Variants in MMP24OS observed in about 807,000 individuals in gnomAD.
The protein encoded by MMP24OS is protein MMP24OS.
chr20:35,277,431 G>T lies in MMP24OS; in HGVS notation c.*283C>A, dbSNP rs144951665. The T allele has an allele frequency of 6.4e-4, 234 of 363,366 alleles. 2 individuals carry two copies. The highest frequency in any genetic ancestry group is 4.6e-3 in the African/African-American group (217 of 47,690). The allele number at this position is 363,366 out of a possible 1,614,324, so 22.5% of individuals were successfully genotyped here. A position where few individuals can be genotyped will look rare whatever the true frequency, so the allele number is the denominator to read the frequency against. Reference sequence around the variant, plus strand: ...CCTCTGGAAGCCAGCGACAGAGAGGGATGCCCCCGACCCAGCCAGCCGGAG... The same window carrying T: ...CCTCTGGAAGCCAGCGACAGAGAGGTATGCCCCCGACCCAGCCAGCCGGAG... On this transcript the variant is annotated 3_prime_UTR_variant, in exon 2 of 2. Transcript: ENST00000456790.
At position 35,277,933 on chromosome 20, in the gene MMP24OS, C is replaced by A; in HGVS notation, c.-3-1G>T. The A allele has an allele frequency of 2.5e-6, 1 of 397,490 alleles. No homozygotes were observed. Among genetic ancestry groups the A allele is most frequent in the Non-Finnish European group, 4.4e-6 (1 of 225,420 alleles). 24.6% of individuals were successfully genotyped at this position (397,490 alleles called of 1,614,324 possible). On this transcript the variant is annotated splice_acceptor_variant, in intron 1 of 1. Transcript: ENST00000456790. LOFTEE classifies it low-confidence loss of function (5UTR_SPLICE). ...CGCCGCTTAGCTGAGCCCCCATGGT[C>A]TGCAAGAAGAGAAGCCCTTTAAGGT...
Position 35,276,405 on chromosome 20 carries a change from C to G in MMP24OS, c.*1309G>C. The G allele has an allele frequency of 2.5e-6, 1 of 398,288 alleles. No individual in the cohort carries two copies. Among genetic ancestry groups the G allele is most frequent in the Non-Finnish European group, 4.4e-6 (1 of 225,986 alleles). The allele number at this position is 398,288 out of a possible 1,614,324, so 24.7% of individuals were successfully genotyped here. On this transcript the variant is annotated 3_prime_UTR_variant, in exon 2 of 2. Transcript: ENST00000456790. ...CTCACACCTGTCCACTCACATGAAACTCGTGTTAGGCCCTGGGAGGCCGAC... is the reference window on the plus strand; with the variant it reads ...CTCACACCTGTCCACTCACATGAAAGTCGTGTTAGGCCCTGGGAGGCCGAC...
At position 35,276,444 on chromosome 20, in the gene MMP24OS, G is replaced by A. The variant is rs34569456; in HGVS notation, c.*1270C>T. The A allele has an allele frequency of 0.013, 5,212 of 397,380 alleles. 42 individuals carry two copies. The highest frequency in any genetic ancestry group is 0.018 in the Non-Finnish European group (4,141 of 225,502). 24.6% of individuals were successfully genotyped at this position (397,380 alleles called of 1,614,324 possible). ...TGGGAGGCCGACGGTAACTCTCACC[G>A]TGCCCTCAGATGAAGCACAGAGAGG... On this transcript the variant is annotated 3_prime_UTR_variant, in exon 2 of 2. Transcript: ENST00000456790.
In MMP24OS at chr20:35,277,171, A is replaced by C. The variant is rs1444757252; in HGVS notation, c.*543T>G. On this transcript the variant is annotated 3_prime_UTR_variant, in exon 2 of 2. Coordinates refer to ENST00000456790, the MANE Select transcript of MMP24OS (RefSeq NM_001355003.2). ...TACAACAGGCTGGCCCTGGGGGCCC[A>C]GGGTTATTGGGGTTCCAGGAACACA... 6.6e-6 allele frequency: 1 copy of C among 152,148 alleles called. No individual in the cohort carries two copies. Among genetic ancestry groups the C allele is most frequent in the Non-Finnish European group, 1.5e-5 (1 of 68,040 alleles). 9.4% of individuals were successfully genotyped at this position (152,148 alleles called of 1,614,324 possible).
rs867570985 is a variant in MMP24OS, at chr20:35,276,642, T to C, written c.*1072A>G. On this transcript the variant is annotated 3_prime_UTR_variant, in exon 2 of 2. Coordinates refer to ENST00000456790, the MANE Select transcript of MMP24OS (RefSeq NM_001355003.2). Reference sequence around the variant, plus strand: ...TCCTCAGGTTGGTGCTCTCACTTCTTGAAAGCTCTAGGCACCCCCGCCTCC... The same window carrying C: ...TCCTCAGGTTGGTGCTCTCACTTCTCGAAAGCTCTAGGCACCCCCGCCTCC... 3 of 200,606 alleles carry C rather than the reference T, an allele frequency of 1.5e-5. No individual in the cohort carries two copies. The highest frequency in any genetic ancestry group is 6.9e-5 in the African/African-American group (3 of 43,422). The allele number at this position is 200,606 out of a possible 1,614,324, so 12.4% of individuals were successfully genotyped here.
At position 35,277,903 on chromosome 20, in the gene MMP24OS, G is replaced by A; in HGVS notation, c.27C>T (p.Arg9=). The A allele has an allele frequency of 1.8e-5, 7 of 398,402 alleles. No homozygotes were observed. Among genetic ancestry groups the A allele is most frequent in the Non-Finnish European group, 2.7e-5 (6 of 226,092 alleles). 24.7% of individuals were successfully genotyped at this position (398,402 alleles called of 1,614,324 possible). The change falls in exon 2 of 2, where the codon CGC becomes CGT. Residue 9 remains arginine (R), a synonymous_variant. Transcript: ENST00000456790. MGAQLSGG[R]GAPEPAQTQP... ...GGGTTTGCGCAGGCTCCGGGGCGCC[G>A]CGGCCGCCGCTTAGCTGAGCCCCCA...
chr20:35,276,961 G>GT lies in MMP24OS; in HGVS notation c.*752dup, dbSNP rs1199857456. The GT allele has an allele frequency of 1.3e-5, 2 of 152,670 alleles. No individual in the cohort carries two copies. Among genetic ancestry groups the GT allele is most frequent in the African/African-American group, 4.8e-5 (2 of 41,450 alleles). 9.5% of individuals were successfully genotyped at this position (152,670 alleles called of 1,614,324 possible). Reference sequence around the variant, plus strand: ...TTAAACTGATCAGCCTTTGTATAATGTTTTTTAAATCATTTCTAAATAAAA... The same window carrying GT: ...TTAAACTGATCAGCCTTTGTATAATGTTTTTTTAAATCATTTCTAAATAAAA... On this transcript the variant is annotated 3_prime_UTR_variant, in exon 2 of 2. Transcript: ENST00000456790.
In MMP24OS at chr20:35,277,863, GC is replaced by G. The variant is rs1276890139; in HGVS notation, c.66del (p.Gln22HisfsTer160). 5.1e-6 allele frequency: 2 copies of G among 395,876 alleles called. No homozygotes were observed. Among genetic ancestry groups the G allele is most frequent in the Non-Finnish European group, 4.4e-6 (1 of 226,468 alleles). 24.5% of individuals were successfully genotyped at this position (395,876 alleles called of 1,614,324 possible). Reference protein sequence around the residue: ...PEPAQTQPQPQPQPAAPEGPE... With the variant: ...PEPAQTQPQPXPQPAAPEGPE... ...GGGCCCTCCGGCGCCGCAGGCTGGG[GC>G]TGGGGCTGGGGCTGGGTTTGCGCAG... On this transcript the variant is annotated frameshift_variant, in exon 2 of 2. Coordinates refer to ENST00000456790, the MANE Select transcript of MMP24OS (RefSeq NM_001355003.2). LOFTEE classifies it high-confidence loss of function.
At position 35,277,753 on chromosome 20, in the gene MMP24OS, G is replaced by C. The variant is rs1480220450; in HGVS notation, c.177C>G (p.Asp59Glu). 3.1e-6 allele frequency: 1 copy of C among 325,166 alleles called. No homozygotes were observed. Among genetic ancestry groups the C allele is most frequent in the East Asian group, 4.4e-5 (1 of 22,560 alleles). The allele number at this position is 325,166 out of a possible 1,614,324, so 20.1% of individuals were successfully genotyped here. The part of the protein sequence containing the change: ...QPEPSPWGPL[D>E]DVRFLIACTS... ...TGCAGGCGATGAGGAAGCGCACGTC[G>C]TCCAGCGGCCCCCACGGGCTGGGCT... The change falls in exon 2 of 2, where the codon GAC (aspartate) becomes GAG (glutamate). Residue 59 changes from aspartate (D) to glutamate (E), a missense_variant. Asp to Glu is a conservative substitution (Grantham distance 45, BLOSUM62 2). Transcript: ENST00000456790.
At position 35,277,537 on chromosome 20, in the gene MMP24OS, C is replaced by T. The variant is rs1037479342; in HGVS notation, c.*177G>A. 1.3e-5 allele frequency: 5 copies of T among 388,544 alleles called. No individual in the cohort carries two copies. Among genetic ancestry groups the T allele is most frequent in the Non-Finnish European group, 2.3e-5 (5 of 220,090 alleles). 24.1% of individuals were successfully genotyped at this position (388,544 alleles called of 1,614,324 possible). On this transcript the variant is annotated 3_prime_UTR_variant, in exon 2 of 2. Transcript: ENST00000456790. ...CAGGCTGGGGTGTAGACTGCGAAGG[C>T]GGCCCTGCCGGGACTTCTTTCCAGT...
In MMP24OS at chr20:35,277,337, G is replaced by T. The variant is rs1320913155; in HGVS notation, c.*377C>A. The T allele has an allele frequency of 9.4e-6, 2 of 212,744 alleles. No homozygotes were observed. Among genetic ancestry groups the T allele is most frequent in the Non-Finnish European group, 1.9e-5 (2 of 107,974 alleles). 13.2% of individuals were successfully genotyped at this position (212,744 alleles called of 1,614,324 possible). On this transcript the variant is annotated 3_prime_UTR_variant, in exon 2 of 2. Transcript: ENST00000456790. ...CAAGAGCACGGTTATCAGCAATACA[G>T]ATATTAATAAAAGGCAGACGAAGTC... is the stretch of plus-strand genomic sequence containing the variant.
chr20:35,276,470 T>C lies in MMP24OS; in HGVS notation c.*1244A>G, dbSNP rs954614474. 7.6e-6 allele frequency: 3 copies of C among 396,018 alleles called. No homozygotes were observed. The highest frequency in any genetic ancestry group is 4.1e-5 in the African/African-American group (2 of 48,484). 24.5% of individuals were successfully genotyped at this position (396,018 alleles called of 1,614,324 possible). A position where few individuals can be genotyped will look rare whatever the true frequency, so the allele number is the denominator to read the frequency against. On this transcript the variant is annotated 3_prime_UTR_variant, in exon 2 of 2. Transcript: ENST00000456790. ...TGCCCTCAGATGAAGCACAGAGAGG[T>C]TGTTACTTGCCCGGGCCATCCAGTG...
In MMP24OS at chr20:35,277,779, C is replaced by CGGGCTGGGGCTGGGGCTGGGGCTG. The variant is rs1180891502; in HGVS notation, c.127_150dup (p.Gln43_Pro50dup). The CGGGCTGGGGCTGGGGCTGGGGCTG allele has an allele frequency of 4.9e-4, 84 of 172,520 alleles. No homozygotes were observed. The highest frequency in any genetic ancestry group is 3.4e-3 in the Middle Eastern group (2 of 586). The allele number at this position is 172,520 out of a possible 1,614,324, so 10.7% of individuals were successfully genotyped here. On this transcript the variant is annotated inframe_insertion, in exon 2 of 2. Coordinates refer to ENST00000456790, the MANE Select transcript of MMP24OS (RefSeq NM_001355003.2). ...TCCAGCGGCCCCCACGGGCTGGGCT[C>CGGGCTGGGGCTGGGGCTGGGGCTG]GGGCTGGGGCTGGGGCTGGGGCTGG...
At position 35,277,818 on chromosome 20, in the gene MMP24OS, G is replaced by GCTGGGA. The variant is rs966782681; in HGVS notation, c.111_112insTCCCAG (p.Pro37_Pro38insSerGln). On this transcript the variant is annotated inframe_insertion, in exon 2 of 2. Transcript: ENST00000456790. ...GGCTGGGGCTGGGGCTGGGGCTGGG[G>GCTGGGA]CGGATGCCGGGGCTGTTCCGGGCCC... 5.1e-6 allele frequency: 2 copies of GCTGGGA among 393,764 alleles called. No homozygotes were observed. The highest frequency in any genetic ancestry group is 4.4e-5 in the Admixed American group (1 of 22,472). 24.4% of individuals were successfully genotyped at this position (393,764 alleles called of 1,614,324 possible). A position where few individuals can be genotyped will look rare whatever the true frequency, so the allele number is the denominator to read the frequency against.
In MMP24OS at chr20:35,277,532, G is replaced by C. The variant is rs1912101365; in HGVS notation, c.*182C>G. The C allele has an allele frequency of 2.6e-6, 1 of 389,754 alleles. No individual in the cohort carries two copies. Among genetic ancestry groups the C allele is most frequent in the Non-Finnish European group, 4.5e-6 (1 of 220,850 alleles). 24.1% of individuals were successfully genotyped at this position (389,754 alleles called of 1,614,324 possible). A position where few individuals can be genotyped will look rare whatever the true frequency, so the allele number is the denominator to read the frequency against. On this transcript the variant is annotated 3_prime_UTR_variant, in exon 2 of 2. Transcript: ENST00000456790. ...GGAAGCAGGCTGGGGTGTAGACTGC[G>C]AAGGCGGCCCTGCCGGGACTTCTTT...
rs1184598450 is a variant in MMP24OS at position 35,276,935 on chromosome 20, T to A, written c.*779A>T. 1 of 152,698 alleles carries A rather than the reference T, an allele frequency of 6.5e-6. No homozygotes were observed. Among genetic ancestry groups the A allele is most frequent in the African/African-American group, 2.4e-5 (1 of 41,448 alleles). 9.5% of individuals were successfully genotyped at this position (152,698 alleles called of 1,614,324 possible). A position where few individuals can be genotyped will look rare whatever the true frequency, so the allele number is the denominator to read the frequency against. ...CACAGCATTTCAGTGTCAGTCACAT[T>A]TTAAACTGATCAGCCTTTGTATAAT... On this transcript the variant is annotated 3_prime_UTR_variant, in exon 2 of 2. Transcript: ENST00000456790.
At position 35,277,773 on chromosome 20, in the gene MMP24OS, TGGGCTCGGGCTGGGGCTGGGGCTG is replaced by T; in HGVS notation, c.133_156del (p.Gln45_Pro52del). 5.6e-6 allele frequency: 1 copy of T among 177,856 alleles called. No individual in the cohort carries two copies. The allele number at this position is 177,856 out of a possible 1,614,324, so 11.0% of individuals were successfully genotyped here. A position where few individuals can be genotyped will look rare whatever the true frequency, so the allele number is the denominator to read the frequency against. On this transcript the variant is annotated inframe_deletion, in exon 2 of 2. Transcript: ENST00000456790. ...ACGTCGTCCAGCGGCCCCCACGGGC[TGGGCTCGGGCTGGGGCTGGGGCTG>T]GGGCTGGGGCTGGGGCTGGGGCGGA...
chr20:35,277,845 C>T lies in MMP24OS; in HGVS notation c.85G>A (p.Glu29Lys). Residue 29 changes from glutamate to lysine, a missense_variant, in exon 2 of 2, where the codon GAG (glutamate) becomes AAG (lysine). Coordinates refer to ENST00000456790, the MANE Select transcript of MMP24OS (RefSeq NM_001355003.2). ...GGATGCCGGGGCTGTTCCGGGCCCTCCGGCGCCGCAGGCTGGGGCTGGGGC... is the reference window on the plus strand; with the variant it reads ...GGATGCCGGGGCTGTTCCGGGCCCTTCGGCGCCGCAGGCTGGGGCTGGGGC... ...PQPQPQPAAPEGPEQPRHPPQ... is the reference protein window; with the variant it reads ...PQPQPQPAAPKGPEQPRHPPQ... 1 of 394,214 alleles carries T rather than the reference C, an allele frequency of 2.5e-6. No individual in the cohort carries two copies. Among genetic ancestry groups the T allele is most frequent in the Non-Finnish European group, 4.5e-6 (1 of 224,264 alleles). 24.4% of individuals were successfully genotyped at this position (394,214 alleles called of 1,614,324 possible).
In MMP24OS at chr20:35,276,528, C is replaced by T; in HGVS notation, c.*1186G>A. Reference sequence around the variant, plus strand: ...TGGGTCTTGTGTCCCCATCTGTGGACCCCTCTAGGGTCTGAGATGAGATGA... The same window carrying T: ...TGGGTCTTGTGTCCCCATCTGTGGATCCCTCTAGGGTCTGAGATGAGATGA... On this transcript the variant is annotated 3_prime_UTR_variant, in exon 2 of 2. Transcript: ENST00000456790. 2.6e-6 allele frequency: 1 copy of T among 383,578 alleles called. No individual in the cohort carries two copies. 23.8% of individuals were successfully genotyped at this position (383,578 alleles called of 1,614,324 possible).
Sources: gnomAD v4.1 joint callset for allele counts on GRCh38, gnomAD v4.1.1 for gene constraint, MANE v1.5 for transcripts, NCBI Gene and HGNC (gene_info 2026-07-23, HGNC 2026-07-21) for gene names.